TRPM3: variants seen among roughly 807,000 people sequenced by gnomAD.
TRPM3 encodes the protein transient receptor potential cation channel subfamily M member 3.
TRPM3 carries 77 observed loss-of-function variants against 181.2 expected under a neutral mutation model. That is an observed-to-expected ratio of 0.42 (90% confidence interval 0.35 to 0.51). TRPM3 has a LOEUF of 0.51. TRPM3 is among the 20% of genes least tolerant of loss of function. The pLI is 0.01. For missense variants in TRPM3, 1,759 were observed against 2,196.7 expected (o/e 0.80, Z 3.98); for synonymous variants, 745 against 796.4 (o/e 0.94, Z 1.09).
At chr9:70,791,801 T>G (rs1308024958) in intron 6 of TRPM3, among the ~76,000 whole-genome samples, 1 of 152,188 alleles carries the variant, frequency 6.6e-6, no homozygotes, top group African/African-American at 2.4e-5. Flanking sequence ...TATATTAAAT[T>G]AATATGGCAA....
chr9:70,843,368 GA>G (rs936488508), intron 4 of TRPM3, among the ~76,000 whole-genome samples: 6 of 151,730 alleles, frequency 4.0e-5, no homozygotes, highest in African/African-American at 1.5e-4. Context: ...CAATTCATAT[GA>G]AAAAACAAAA....
At chr9:71,207,250 G>T (rs1222341232) in intron 1 of TRPM3, among the ~76,000 whole-genome samples, 3 of 152,016 alleles carry the variant, frequency 2.0e-5, no homozygotes, top group African/African-American at 7.2e-5. Context: ...GCATTTCTGA[G>T]ATAAATAATA....
intron 1 of TRPM3, among the ~76,000 whole-genome samples, chr9:71,188,798 CT>C (rs1325139248): frequency 6.6e-6 from 1 of 151,686 alleles, no homozygotes; most frequent in Non-Finnish European, 1.5e-5. Context: ...CAACTTTTTC[CT>C]TTTTTGTCCT....
intron 1 of TRPM3, among the ~76,000 whole-genome samples, chr9:71,201,471 T>C (rs1168916059): frequency 1.3e-5 from 2 of 152,228 alleles, no homozygotes; most frequent in African/African-American, 4.8e-5. Context: ...CAGAGTGTTT[T>C]CCAACTTGGT....
intron 1 of TRPM3, among the ~76,000 whole-genome samples, chr9:71,296,547 G>A (rs891681816): frequency 1.3e-5 from 2 of 152,150 alleles, no homozygotes; most frequent in African/African-American, 2.4e-5. Flanking sequence ...TGGCCAGGTT[G>A]ACCAAAGTAC....
chr9:70,956,367 T>C (rs895181761), intron 1 of TRPM3, among the ~76,000 whole-genome samples: 3 of 77,722 alleles, frequency 3.9e-5, no homozygotes, highest in South Asian at 4.3e-4. Context: ...CACCCAAAGA[T>C]AGCAAATTTT....
chr9:70,615,369 C>T (rs1362337526), intron 18 of TRPM3, among the ~76,000 whole-genome samples: 7 of 152,198 alleles, frequency 4.6e-5, no homozygotes, highest in Non-Finnish European at 4.4e-5. Flanking sequence ...TCCAGCTGCC[C>T]CCTTCCCTCT....
chr9:71,314,191 T>C (rs1348512050), intron 1 of TRPM3, among the ~76,000 whole-genome samples: 1 of 152,160 alleles, frequency 6.6e-6, no homozygotes, highest in Non-Finnish European at 1.5e-5. Context: ...AGGAGTTTTT[T>C]CCTCAATAAT....
At chr9:71,041,268 T>G (rs2058781509) in intron 1 of TRPM3, among the ~76,000 whole-genome samples, 2 of 152,114 alleles carry the variant, frequency 1.3e-5, no homozygotes, top group African/African-American at 4.8e-5. Flanking sequence ...AATGGAAACA[T>G]GAAAAAATTT....
intron 1 of TRPM3, among the ~76,000 whole-genome samples, chr9:70,931,653 A>C (rs1358039101): frequency 1.3e-5 from 2 of 152,112 alleles, no homozygotes; most frequent in African/African-American, 4.8e-5. Flanking sequence ...AGAAAGAAAA[A>C]ATTGGTCTCT....
chr9:71,016,684 C>G (rs1564981023), intron 1 of TRPM3, among the ~76,000 whole-genome samples: 1 of 152,112 alleles, frequency 6.6e-6, no homozygotes, highest in Non-Finnish European at 1.5e-5. Flanking sequence ...TGGGTTGATT[C>G]CATCTTTTGG....
intron 1 of TRPM3, among the ~76,000 whole-genome samples, chr9:71,386,928 C>T (rs186179716): frequency 6.6e-6 from 1 of 152,248 alleles, no homozygotes. Context: ...CTAGTAAGTA[C>T]ATGTGATCTT....
At chr9:71,425,091 T>C (rs1184402545) in intron 1 of TRPM3, among the ~76,000 whole-genome samples, 3 of 147,292 alleles carry the variant, frequency 2.0e-5, no homozygotes, top group Non-Finnish European at 3.0e-5. Context: ...TATCATTACC[T>C]ACATATGTCT....
chr9:71,340,130 C>T lies in TRPM3; in HGVS notation c.183+106523G>A, dbSNP rs568866322. Among the ~76,000 whole-genome samples, 212 of 152,214 alleles carry T rather than the reference C, an allele frequency of 1.4e-3. 2 individuals carry two copies. Among genetic ancestry groups the T allele is most frequent in the African/African-American group, 4.9e-3 (202 of 41,546 alleles). On this transcript the variant is annotated intron_variant, in intron 1 of 24. Transcript: ENST00000357533. ...ATGGTTTAGCATTTCTGCAACTATA[C>T]GCATGCCAGGGTTGAACAAATGTGT...
At chr9:70,554,784 C>T (rs1328580035) in intron 22 of TRPM3, among the ~76,000 whole-genome samples, 1 of 152,204 alleles carries the variant, frequency 6.6e-6, no homozygotes, top group East Asian at 1.9e-4. Flanking sequence ...CATTAGGACA[C>T]CAAGACCTGG....
chr9:70,749,723 A>G (rs1156265351), intron 8 of TRPM3, among the ~76,000 whole-genome samples: 1 of 152,222 alleles, frequency 6.6e-6, no homozygotes, highest in Non-Finnish European at 1.5e-5. Context: ...AAATGAAGTC[A>G]TCCTGGAGAA....
rs1017289400 is a variant in TRPM3, at chr9:70,598,567, C to G, written c.2900G>C (p.Gly967Ala). 6.2e-7 allele frequency: 1 copy of G among 1,614,090 alleles called. No individual in the cohort carries two copies. The highest frequency in any genetic ancestry group is 1.3e-5 in the African/African-American group (1 of 74,932). ...CTGGTCTTGGAGACGAAGGATCATT[C>G]CGACAGAAAACAGAAGGATGGCGAT... ...DLIAILLFSV[G>A]MILRLQDQPF... Residue 967 changes from glycine (G) to alanine (A), a missense_variant, in exon 21 of 26, where the codon GGA (glycine) becomes GCA (alanine). Gly to Ala is a moderately conservative substitution (Grantham distance 60, BLOSUM62 0). This residue lies in a region of TRPM3 where 100 missense variants were observed against 123.0 expected (regional missense o/e 0.81). Transcript: ENST00000677713.
At chr9:70,807,800 G>A (rs1051283541) in intron 6 of TRPM3, among the ~76,000 whole-genome samples, 1 of 152,154 alleles carries the variant, frequency 6.6e-6, no homozygotes, top group African/African-American at 2.4e-5. Flanking sequence ...AGAGCATGGA[G>A]GATGAGGTGA....
At chr9:70,784,398 A>G in intron 6 of TRPM3, 119 bp from the exon 7 acceptor site, 1 of 1,130,898 alleles carries the variant, frequency 8.8e-7, no homozygotes, top group Middle Eastern at 2.9e-4. Flanking sequence ...CGGGGGAGGT[A>G]GCAACATATG....
Sources: allele counts gnomAD v4.1 joint callset (sites outside exome capture counted in the v4.1 genomes callset), GRCh38; gene constraint gnomAD v4.1.1; regional missense constraint gnomAD v4.1.1; transcripts MANE v1.5; gene names NCBI Gene and HGNC (gene_info 2026-07-23, HGNC 2026-07-21).